VLDLR: variants seen among roughly 807,000 people sequenced by gnomAD.
VLDLR encodes the protein very low-density lipoprotein receptor.
Under a neutral mutation model 112.7 loss-of-function variants are expected in VLDLR, and 81 were observed. The ratio of observed to expected loss-of-function variants is 0.72; its 90% confidence interval spans 0.60 to 0.86. The LOEUF (loss-of-function observed/expected upper bound fraction) is 0.86, where lower values mean the gene tolerates loss of function less well. VLDLR is among the 40% of genes least tolerant of loss of function. VLDLR has a pLI of 0.00. For missense variants in VLDLR, 1,237 were observed against 1,099.4 expected (o/e 1.13, Z -1.77); for synonymous variants, 436 against 384.8 (o/e 1.13, Z -1.56).
chr9:2,622,228 C>A lies in VLDLR; in HGVS notation c.39C>A (p.Leu13=), dbSNP rs752246027. 1 of 1,505,888 alleles carries A rather than the reference C, an allele frequency of 6.6e-7. No individual in the cohort carries two copies. Among genetic ancestry groups the A allele is most frequent in the Non-Finnish European group, 8.8e-7 (1 of 1,134,198 alleles). 93.3% of individuals were successfully genotyped at this position (1,505,888 alleles called of 1,614,324 possible). Residue 13 remains leucine, a synonymous_variant, in exon 1 of 19, where the codon CTC becomes CTA. Coordinates refer to ENST00000382100, the MANE Select transcript of VLDLR (RefSeq NM_003383.5). ...CGCTCTGGGCGCTCTGGCTGCTGCT[C>A]GCGCTGTGCTGGGCGCCCCGGGAGA... The part of the protein sequence containing the change: ...TSALWALWLL[L]ALCWAPRESG...
chr9:2,654,029 T>A lies in VLDLR; in HGVS notation c.*161T>A. 1 of 682,844 alleles carries A rather than the reference T, an allele frequency of 1.5e-6. No homozygotes were observed. The highest frequency in any genetic ancestry group is 2.7e-5 in the East Asian group (1 of 36,392). 42.3% of individuals were successfully genotyped at this position (682,844 alleles called of 1,614,324 possible). ...CTTGTGTACTTGACCGTTTTTATATTACTTTTGTAAATATTCTTGTCCACA... is the reference window on the plus strand; with the variant it reads ...CTTGTGTACTTGACCGTTTTTATATAACTTTTGTAAATATTCTTGTCCACA... On this transcript the variant is annotated 3_prime_UTR_variant, in exon 19 of 19. Coordinates refer to ENST00000382100, the MANE Select transcript of VLDLR (RefSeq NM_003383.5).
intron 11 of VLDLR, 77 bp downstream of exon 11, chr9:2,646,629 T>A: frequency 7.6e-7 from 1 of 1,319,456 alleles, no homozygotes; most frequent in Non-Finnish European, 1.1e-6. Flanking sequence ...CCTGAATTAG[T>A]ACTCAAATCT....
In VLDLR at chr9:2,655,499, GAAGAT is replaced by G. The variant is rs35218736; in HGVS notation, c.*1632_*1636del. On this transcript the variant is annotated 3_prime_UTR_variant, in exon 19 of 19. Coordinates refer to ENST00000382100, the MANE Select transcript of VLDLR (RefSeq NM_003383.5). ...CAACACAGTACCAAGAGGATGAAGA[GAAGAT>G]GTTTTGCGTTGCTACGTGAATCAGT... is the stretch of plus-strand genomic sequence containing the variant. 4.1e-4 allele frequency: 62 copies of G among 152,268 alleles called. No homozygotes were observed. The highest frequency in any genetic ancestry group is 1.4e-3 in the African/African-American group (59 of 41,552). 9.4% of individuals were successfully genotyped at this position (152,268 alleles called of 1,614,324 possible).
intron 16 of VLDLR, among the ~76,000 whole-genome samples, 167 bp from the exon 17 acceptor site, chr9:2,651,707 C>T (rs1415348280): frequency 1.3e-5 from 2 of 152,232 alleles, no homozygotes; most frequent in Non-Finnish European, 2.9e-5. Flanking sequence ...ATGGCTACTA[C>T]AGCATGTGAC....
At chr9:2,643,992 G>C (rs753356691) in intron 7 of VLDLR, 33 bp downstream of exon 7, 1 of 1,613,772 alleles carries the variant, frequency 6.2e-7, no homozygotes, top group Non-Finnish European at 8.5e-7. Context: ...TACAGATCCT[G>C]GAAGTTTGAC....
chr9:2,655,088 C>T lies in VLDLR; in HGVS notation c.*1220C>T, dbSNP rs1317780369. 2 of 152,224 alleles carry T rather than the reference C, an allele frequency of 1.3e-5. No homozygotes were observed. Among genetic ancestry groups the T allele is most frequent in the Non-Finnish European group, 2.9e-5 (2 of 68,042 alleles). 9.4% of individuals were successfully genotyped at this position (152,224 alleles called of 1,614,324 possible). On this transcript the variant is annotated 3_prime_UTR_variant, in exon 19 of 19. Coordinates refer to ENST00000382100, the MANE Select transcript of VLDLR (RefSeq NM_003383.5). ...GAAACTCTGGGGGCGAGGGCTGAAA[C>T]CTGCTTTCATAAGCCCTTCAGGCGA...
intron 15 of VLDLR, among the ~76,000 whole-genome samples, chr9:2,651,125 C>T (rs746479683): frequency 1.1e-4 from 17 of 152,118 alleles, no homozygotes; most frequent in Non-Finnish European, 1.6e-4. Flanking sequence ...GAACATTTCT[C>T]GTAGTTTCCA....
Position 2,635,478 on chromosome 9 carries a change from C to T in VLDLR, c.108C>T (p.Ser36=). Reference sequence around the variant, plus strand: ...GGAGAAAAGCCAAATGTGAACCCTCCCAATTCCAGTGCACAAATGGTCGCT... The same window carrying T: ...GGAGAAAAGCCAAATGTGAACCCTCTCAATTCCAGTGCACAAATGGTCGCT... ...GTGRKAKCEP[S]QFQCTNGRCI... is the part of the protein sequence containing the mutation. Residue 36 remains serine (S), a synonymous_variant, in exon 2 of 19, where the codon TCC becomes TCT. Coordinates refer to ENST00000382100, the MANE Select transcript of VLDLR (RefSeq NM_003383.5). 6.2e-7 allele frequency: 1 copy of T among 1,614,064 alleles called. No homozygotes were observed. Among genetic ancestry groups the T allele is most frequent in the Non-Finnish European group, 8.5e-7 (1 of 1,179,972 alleles).
intron 4 of VLDLR, 105 bp downstream of exon 4, chr9:2,641,604 A>G: frequency 6.5e-7 from 1 of 1,538,204 alleles, no homozygotes; most frequent in Admixed American, 1.7e-5. Context: ...ACATTGACTC[A>G]CTTTTCAGTG....
chr9:2,644,972 A>G lies in VLDLR; in HGVS notation c.1202A>G (p.Gln401Arg). The change falls in exon 9 of 19, where the codon CAA (glutamine) becomes CGA (arginine). Residue 401 changes from glutamine to arginine, a missense_variant. Transcript: ENST00000382100. ...TCCCTCCCAGATATTGATGAATGCC[A>G]AAATCCAGGAATCTGCAGTCAAATT... ...RKTCGDIDECQNPGICSQICI... is the reference protein window; with the variant it reads ...RKTCGDIDECRNPGICSQICI... 1.2e-6 allele frequency: 2 copies of G among 1,614,176 alleles called. No homozygotes were observed. The highest frequency in any genetic ancestry group is 1.7e-6 in the Non-Finnish European group (2 of 1,180,022).
At chr9:2,629,813 C>T (rs554880405) in intron 1 of VLDLR, among the ~76,000 whole-genome samples, 3 of 151,880 alleles carry the variant, frequency 2.0e-5, no homozygotes, top group South Asian at 2.1e-4. Flanking sequence ...TGTTTGTTTT[C>T]GAGATGGAGT....
At chr9:2,648,097 AC>A in intron 12 of VLDLR, 110 bp from the exon 13 acceptor site, 1 of 1,481,878 alleles carries the variant, frequency 6.7e-7, no homozygotes, top group Non-Finnish European at 9.3e-7. Context: ...CCGTTAAGAA[AC>A]CCTGCTGGGG....
chr9:2,637,872 G>A (rs1817662995), intron 2 of VLDLR, among the ~76,000 whole-genome samples: 1 of 152,276 alleles, frequency 6.6e-6, no homozygotes, highest in South Asian at 2.1e-4. Flanking sequence ...GAACCCGGGA[G>A]GCGGAGCTTG....
intron 1 of VLDLR, among the ~76,000 whole-genome samples, chr9:2,633,112 C>T (rs1317459690): frequency 6.7e-6 from 1 of 148,878 alleles, no homozygotes; most frequent in Non-Finnish European, 1.5e-5. Context: ...GAGTAAAACA[C>T]AGCTTTATGA....
intron 13 of VLDLR, 140 bp from the exon 14 acceptor site, chr9:2,648,529 C>A (rs1220886527): frequency 6.5e-7 from 1 of 1,527,644 alleles, no homozygotes; most frequent in South Asian, 1.1e-5. Context: ...AAACTTGATT[C>A]TTTTACAGTT....
intron 11 of VLDLR, among the ~76,000 whole-genome samples, chr9:2,646,859 C>T (rs773646808): frequency 5.3e-5 from 8 of 152,122 alleles, no homozygotes; most frequent in South Asian, 2.1e-4. Context: ...CCAGTTTCTA[C>T]GCAAGTGATT....
chr9:2,639,753 C>A (rs939454574), intron 2 of VLDLR, 106 bp from the exon 3 acceptor site: 2 of 1,570,190 alleles, frequency 1.3e-6, no homozygotes, highest in Admixed American at 1.7e-5. Context: ...ATTGACTCAG[C>A]TTTTTTTTAG....
intron 3 of VLDLR, 32 bp from the exon 4 acceptor site, chr9:2,641,343 CTG>C: frequency 6.2e-7 from 1 of 1,613,656 alleles, no homozygotes; most frequent in Non-Finnish European, 8.5e-7. Context: ...TTGATCAGTT[CTG>C]AGGCTCTTTT....
At chr9:2,629,013 A>C (rs1159307205) in intron 1 of VLDLR, among the ~76,000 whole-genome samples, 1 of 152,236 alleles carries the variant, frequency 6.6e-6, no homozygotes. Context: ...TCTTAACCTT[A>C]GTGCAGTGGT....
Sources: allele counts gnomAD v4.1 joint callset (sites outside exome capture counted in the v4.1 genomes callset), GRCh38; gene constraint gnomAD v4.1.1; transcripts MANE v1.5; gene names NCBI Gene and HGNC (gene_info 2026-07-23, HGNC 2026-07-21).